ATP6V1A: variants seen among roughly 807,000 people sequenced by gnomAD.
ATP6V1A encodes V-type proton ATPase catalytic subunit A.
ATP6V1A carries 18 observed loss-of-function variants against 70.1 expected under a neutral mutation model. The observed-to-expected ratio is 0.26, with a 90% confidence interval of 0.18 to 0.38. The LOEUF (loss-of-function observed/expected upper bound fraction) is 0.38, where lower values mean the gene tolerates loss of function less well. ATP6V1A is among the 10% of genes least tolerant of loss of function. ATP6V1A has a pLI of 1.00. For synonymous variants in ATP6V1A, 232 were observed against 253.8 expected (o/e 0.91, Z 0.82); for missense variants, 424 against 772.4 (o/e 0.55, Z 5.35).
Position 113,811,263 on chromosome 3 carries a change from A to T in ATP6V1A, c.*1836A>T, listed in dbSNP as rs1709338826. ...GGTAATGCCTATCTCTTGGTCTATT[A>T]AGGAAAGAAGCAATCAGTAGAGAAT... On this transcript the variant is annotated 3_prime_UTR_variant, in exon 15 of 15. Transcript: ENST00000273398. 6.6e-6 allele frequency: 1 copy of T among 152,424 alleles called. No individual in the cohort carries two copies. The highest frequency in any genetic ancestry group is 2.4e-5 in the African/African-American group (1 of 41,450). 9.4% of individuals were successfully genotyped at this position (152,424 alleles called of 1,614,324 possible).
intron 1 of ATP6V1A, among the ~76,000 whole-genome samples, chr3:113,752,988 A>G (rs1708604272): frequency 6.6e-6 from 1 of 152,180 alleles, no homozygotes; most frequent in Non-Finnish European, 1.5e-5. Context: ...GTATGGATAG[A>G]CACATGAGAC....
intron 1 of ATP6V1A, among the ~76,000 whole-genome samples, chr3:113,770,724 T>A (rs1708829492): frequency 6.6e-6 from 1 of 151,860 alleles, no homozygotes; most frequent in African/African-American, 2.4e-5. Context: ...AAGAAGGAGT[T>A]ATTAAATAGC....
intron 1 of ATP6V1A, among the ~76,000 whole-genome samples, chr3:113,753,454 A>G (rs1708611914): frequency 6.6e-6 from 1 of 152,200 alleles, no homozygotes; most frequent in Non-Finnish European, 1.5e-5. Flanking sequence ...TTCCTTAGAA[A>G]TAAAAGCACC....
intron 1 of ATP6V1A, among the ~76,000 whole-genome samples, chr3:113,765,376 G>A (rs776594387): frequency 4.6e-5 from 7 of 152,062 alleles, no homozygotes; most frequent in Non-Finnish European, 1.0e-4. Context: ...AGGCCGACGC[G>A]GGCAGTTCAC....
At chr3:113,756,820 A>G (rs1210584226) in intron 1 of ATP6V1A, among the ~76,000 whole-genome samples, 3 of 152,230 alleles carry the variant, frequency 2.0e-5, no homozygotes, top group African/African-American at 7.2e-5. Context: ...GAGTGTTCAA[A>G]TAGTTAAATA....
rs570165990 is a variant in ATP6V1A at position 113,756,185 on chromosome 3, C to A, written c.-14+9072C>A. On this transcript the variant is annotated intron_variant, in intron 1 of 14. Transcript: ENST00000273398. ...AGTGGTAGGGCTCAGGATTAGAGCC[C>A]AGGGAGTCACTTTCCAGAGATTGCT... Among the ~76,000 whole-genome samples, 59 of 152,278 alleles carry A rather than the reference C, an allele frequency of 3.9e-4. 1 individual carries two copies. The highest frequency in any genetic ancestry group is 3.5e-3 in the Admixed American group (53 of 15,282).
chr3:113,807,018 T>C (rs1361603752), intron 14 of ATP6V1A, among the ~76,000 whole-genome samples: 4 of 151,982 alleles, frequency 2.6e-5, no homozygotes, highest in Non-Finnish European at 5.9e-5. Flanking sequence ...ACACTATAGA[T>C]TGAAAGTAAA....
chr3:113,754,351 C>T (rs1023576599), intron 1 of ATP6V1A, among the ~76,000 whole-genome samples: 55 of 151,938 alleles, frequency 3.6e-4, no homozygotes, highest in African/African-American at 1.3e-3. Flanking sequence ...GGCAAGACCC[C>T]CCTCTACCAG....
At chr3:113,766,225 G>A (rs886188289) in intron 1 of ATP6V1A, among the ~76,000 whole-genome samples, 6 of 152,116 alleles carry the variant, frequency 3.9e-5, no homozygotes. Flanking sequence ...CTTCTGGTTT[G>A]TAGATGGACA....
intron 1 of ATP6V1A, among the ~76,000 whole-genome samples, chr3:113,755,777 A>C (rs763739052): frequency 6.9e-4 from 105 of 152,314 alleles, no homozygotes; most frequent in Non-Finnish European, 1.1e-3. Flanking sequence ...TATTCATACA[A>C]GTGTGTTTTC....
chr3:113,781,672 G>A (rs1003922985), intron 3 of ATP6V1A, among the ~76,000 whole-genome samples: 1 of 152,140 alleles, frequency 6.6e-6, no homozygotes, highest in African/African-American at 2.4e-5. Context: ...CTATGAATTG[G>A]TACTCTTATT....
At chr3:113,800,504 C>T (rs1235421922) in intron 12 of ATP6V1A, among the ~76,000 whole-genome samples, 2 of 151,998 alleles carry the variant, frequency 1.3e-5, no homozygotes, top group Non-Finnish European at 2.9e-5. Flanking sequence ...TACCGAAAAT[C>T]AAGGGAGGAG....
intron 1 of ATP6V1A, among the ~76,000 whole-genome samples, chr3:113,758,454 A>C (rs1160256766): frequency 6.6e-6 from 1 of 150,482 alleles, no homozygotes; most frequent in Non-Finnish European, 1.5e-5. Context: ...TCCTGTCCTT[A>C]ACCATCCACT....
intron 1 of ATP6V1A, among the ~76,000 whole-genome samples, chr3:113,748,498 G>T (rs1708549258): frequency 6.6e-6 from 1 of 152,282 alleles, no homozygotes; most frequent in East Asian, 1.9e-4. Context: ...AATTAAAGAA[G>T]ACTGCTGGAA....
chr3:113,792,340 GT>G (rs535124596), intron 8 of ATP6V1A, among the ~76,000 whole-genome samples: 3 of 149,252 alleles, frequency 2.0e-5, no homozygotes, highest in African/African-American at 7.4e-5. Context: ...TTCTTTGCAT[GT>G]TTTTTTTTTC....
chr3:113,770,964 G>A (rs1708832647), intron 1 of ATP6V1A, among the ~76,000 whole-genome samples: 1 of 151,544 alleles, frequency 6.6e-6, no homozygotes, highest in African/African-American at 2.4e-5. Context: ...GTGTGGGGGC[G>A]CATGCCTGTA....
chr3:113,808,344 TG>T (rs1265405271), intron 14 of ATP6V1A, among the ~76,000 whole-genome samples: 1 of 128,976 alleles, frequency 7.8e-6, no homozygotes, highest in African/African-American at 2.9e-5. Context: ...TAGGCTGGAG[TG>T]CAGTGACGCG....
At chr3:113,793,871 T>G (rs574724706) in intron 8 of ATP6V1A, among the ~76,000 whole-genome samples, 1 of 152,120 alleles carries the variant, frequency 6.6e-6, no homozygotes, top group Non-Finnish European at 1.5e-5. Flanking sequence ...AGTTCCAAAA[T>G]CTTTTGGAAC....
intron 1 of ATP6V1A, among the ~76,000 whole-genome samples, chr3:113,756,369 T>C (rs943846131): frequency 3.3e-5 from 5 of 152,238 alleles, no homozygotes; most frequent in South Asian, 2.1e-4. Flanking sequence ...TTCCTAGAAA[T>C]GGACTAGCCA....
Sources: allele counts gnomAD v4.1 joint callset (sites outside exome capture counted in the v4.1 genomes callset), GRCh38; gene constraint gnomAD v4.1.1; transcripts MANE v1.5; gene names NCBI Gene and HGNC (gene_info 2026-07-23, HGNC 2026-07-21).